The following SP2 variants were observed in gnomAD, a reference collection of about 807,000 sequenced individuals.
The protein encoded by SP2 is transcription factor Sp2.
A neutral mutation model predicts 50.1 loss-of-function variants in SP2; 9 were observed. That is an observed-to-expected ratio of 0.18 (90% CI 0.11 to 0.31). SP2 has a LOEUF of 0.31. Ranked by LOEUF, SP2 falls within the 10% of genes least tolerant of loss-of-function variation. The pLI is 1.00. For synonymous variants in SP2, 313 were observed against 326.6 expected (o/e 0.96, Z 0.45); for missense variants, 581 against 806.5 (o/e 0.72, Z 3.39).
At chr17:47,920,702 C>T (rs1434757598) in intron 3 of SP2, among the ~76,000 whole-genome samples, 3 of 151,838 alleles carry the variant, frequency 2.0e-5, no homozygotes, top group Admixed American at 6.6e-5. Context: ...ATTACAGGCT[C>T]GAGCCACCAC....
intron 1 of SP2, among the ~76,000 whole-genome samples, chr17:47,896,527 G>A (rs2034339368): frequency 1.3e-5 from 2 of 152,048 alleles, no homozygotes; most frequent in South Asian, 4.1e-4. Context: ...CCGCCCCCTC[G>A]GAGCCCGCCG....
chr17:47,901,338 G>A (rs2143775738), intron 1 of SP2, among the ~76,000 whole-genome samples: 1 of 152,238 alleles, frequency 6.6e-6, no homozygotes, highest in Admixed American at 6.5e-5. Flanking sequence ...GAAGAGACGG[G>A]GTTTCACTGT....
At chr17:47,931,458 T>A (rs1157001973), downstream of SP2, among the ~76,000 whole-genome samples, 2 of 152,146 alleles carry the variant, frequency 1.3e-5, no homozygotes, top group African/African-American at 4.8e-5. Flanking sequence ...GAAGACAGGA[T>A]GGAGCAAGAT....
At chr17:47,905,827 G>C (rs1182096706) in intron 1 of SP2, among the ~76,000 whole-genome samples, 1 of 152,214 alleles carries the variant, frequency 6.6e-6, no homozygotes. Context: ...CGCTGAGTGA[G>C]AGTATAAATG....
At chr17:47,910,245 T>G (rs1334933274) in intron 1 of SP2, among the ~76,000 whole-genome samples, 1 of 152,170 alleles carries the variant, frequency 6.6e-6, no homozygotes, top group Non-Finnish European at 1.5e-5. Context: ...ACCAATTTAG[T>G]GGGTCACAGC....
intron 6 of SP2, among the ~76,000 whole-genome samples, chr17:47,926,798 G>T (rs1392849007): frequency 6.6e-6 from 1 of 151,880 alleles, no homozygotes; most frequent in East Asian, 1.9e-4. Flanking sequence ...ACCTGAAATT[G>T]TCCTGGGTAT....
intron 1 of SP2, among the ~76,000 whole-genome samples, chr17:47,901,269 T>C (rs993103581): frequency 1.3e-5 from 2 of 151,268 alleles, no homozygotes; most frequent in Admixed American, 1.3e-4. Flanking sequence ...TGTCTCAGCC[T>C]CCAGAGTAGC....
At chr17:47,899,476 T>G (rs1212785946) in intron 1 of SP2, 1 of 152,274 alleles carries the variant, frequency 6.6e-6, no homozygotes, top group Non-Finnish European at 1.5e-5. Context: ...CATGAGCCAC[T>G]GTGCCTAGCC....
chr17:47,925,875 G>A (rs2035623382), intron 6 of SP2, among the ~76,000 whole-genome samples: 1 of 138,162 alleles, frequency 7.2e-6, no homozygotes, highest in African/African-American at 2.7e-5. Context: ...ATCCTGGTAA[G>A]AACTTTATGG....
chr17:47,924,687 T>C (rs2035580339), intron 4 of SP2, among the ~76,000 whole-genome samples: 1 of 152,202 alleles, frequency 6.6e-6, no homozygotes, highest in Admixed American at 6.5e-5. Context: ...TGATATGTTA[T>C]TGAGCCTCAG....
chr17:47,925,264 A>T, intron 5 of SP2, 84 bp from the exon 6 acceptor site: 2 of 1,440,404 alleles, frequency 1.4e-6, no homozygotes, highest in South Asian at 2.5e-5. Context: ...CCACATCCTC[A>T]CTGCATCCTG....
chr17:47,905,749 G>A (rs1320966026), intron 1 of SP2, among the ~76,000 whole-genome samples: 2 of 152,184 alleles, frequency 1.3e-5, no homozygotes, highest in Non-Finnish European at 2.9e-5. Flanking sequence ...GGTGCCTGGA[G>A]TATGCACTGG....
Position 47,911,521 on chromosome 17 carries a change from A to G in SP2, c.8-3791A>G, listed in dbSNP as rs569711731. ...GACTACATCTCAAAAAAAAAAAAAA[A>G]AGATTGGCCGGGCACAGTGGCTCAC... On this transcript the variant is annotated intron_variant, in intron 1 of 6. Transcript: ENST00000376741. Among the ~76,000 whole-genome samples, 12 of 148,496 alleles carry G rather than the reference A, an allele frequency of 8.1e-5. No individual in the cohort carries two copies. The East Asian group carries it at 2.0e-3, about 25-fold the overall frequency.
chr17:47,904,133 C>T (rs1203806347), intron 1 of SP2, among the ~76,000 whole-genome samples: 2 of 151,330 alleles, frequency 1.3e-5, no homozygotes, highest in Non-Finnish European at 2.9e-5. Flanking sequence ...GGTGTGGTGG[C>T]GGGCACCTGT....
rs567533777 is a variant in SP2, at chr17:47,919,044, A to C, written c.1059+1914A>C. Among the ~76,000 whole-genome samples, 15 of 152,112 alleles carry C rather than the reference A, an allele frequency of 9.9e-5. No individual in the cohort carries two copies. The East Asian group carries it at 2.5e-3, about 25-fold the overall frequency. On this transcript the variant is annotated intron_variant, in intron 3 of 6. Transcript: ENST00000376741. The stretch of plus-strand genomic sequence containing the variant: ...ATGCACGCATACACACACACACACA[A>C]AATCAGACATAAAATATCAGTGATT...
chr17:47,926,394 T>C (rs1440987392), intron 6 of SP2, among the ~76,000 whole-genome samples: 1 of 151,246 alleles, frequency 6.6e-6, no homozygotes, highest in South Asian at 2.1e-4. Context: ...CTCACTGTAG[T>C]GTTGAACTCC....
intron 1 of SP2, among the ~76,000 whole-genome samples, chr17:47,906,814 AG>A (rs2034780632): frequency 6.6e-6 from 1 of 152,140 alleles, no homozygotes; most frequent in Non-Finnish European, 1.5e-5. Context: ...CTGGATGTAC[AG>A]GTCTAACACG....
chr17:47,908,205 C>T (rs1050786584), intron 1 of SP2, among the ~76,000 whole-genome samples: 8 of 152,200 alleles, frequency 5.3e-5, no homozygotes, highest in African/African-American at 1.9e-4. Flanking sequence ...TGAAGAGTCA[C>T]TCAGAACCCA....
intron 1 of SP2, among the ~76,000 whole-genome samples, chr17:47,914,238 GTA>G (rs2035099980): frequency 6.6e-6 from 1 of 152,148 alleles, no homozygotes. Flanking sequence ...GGGCATGGTG[GTA>G]CATGCCTGTA....
Sources: gnomAD v4.1 joint callset for allele counts (sites outside exome capture counted in the v4.1 genomes callset) on GRCh38, gnomAD v4.1.1 for gene constraint, MANE v1.5 for transcripts, NCBI Gene and HGNC (gene_info 2026-07-23, HGNC 2026-07-21) for gene names.